The following LRP1B variants were observed in gnomAD, a reference collection of about 807,000 sequenced individuals.
LRP1B encodes LDL receptor related protein 1B.
In LRP1B, 217 loss-of-function variants were observed where a neutral mutation model predicts 556.6. The ratio of observed to expected loss-of-function variants is 0.39; its 90% CI spans 0.35 to 0.44. The LOEUF (loss-of-function observed/expected upper bound fraction) is 0.44. Ranked by LOEUF, LRP1B falls within the 20% of genes least tolerant of loss-of-function variation. The pLI is 1.00. For synonymous variants in LRP1B, 2,047 were observed against 1,865.8 expected, an observed-to-expected ratio of 1.10 and a Z score of -2.50; for missense variants, 5,053 against 5,620.8, an observed-to-expected ratio of 0.90 and a Z score of 3.23.
intron 2 of LRP1B, among the ~76,000 whole-genome samples, chr2:141,713,460 G>A (rs9677566): frequency 0.15 from 23,123 of 152,084 alleles, 1,820 homozygotes; most frequent in South Asian, 0.17. Flanking sequence ...TTGAGGAAAC[G>A]GTGAGGCTAA....
rs570005455 is a variant in LRP1B at position 140,833,882 on chromosome 2, G to A, written c.5209+6109C>T. Reference sequence around the variant, plus strand: ...AACAAAGGCTTAATTTTATAAATGAGAATCAAAACCATAAGCACAGTTTAT... The same window carrying A: ...AACAAAGGCTTAATTTTATAAATGAAAATCAAAACCATAAGCACAGTTTAT... On this transcript the variant is annotated intron_variant, in intron 31 of 90. Transcript: ENST00000389484. 6.1e-4 allele frequency among the ~76,000 whole-genome samples: 93 copies of A among 152,186 alleles called. No homozygotes were observed. In the South Asian group the frequency reaches 9.3e-3, roughly 15 times the overall value.
chr2:140,826,753 T>A (rs1411053744), intron 31 of LRP1B, among the ~76,000 whole-genome samples: 1 of 152,048 alleles, frequency 6.6e-6, no homozygotes, highest in Non-Finnish European at 1.5e-5. Context: ...ACTATTACTG[T>A]CTGGACCCAC....
At chr2:140,662,338 T>C (rs1685126402) in intron 41 of LRP1B, among the ~76,000 whole-genome samples, 1 of 152,110 alleles carries the variant, frequency 6.6e-6, no homozygotes, top group South Asian at 2.1e-4. Flanking sequence ...CTATACATGC[T>C]ATAATTACAA....
intron 3 of LRP1B, among the ~76,000 whole-genome samples, chr2:141,300,924 T>C (rs575166688): frequency 1.2e-4 from 18 of 152,242 alleles, no homozygotes; most frequent in Middle Eastern, 3.4e-3. Context: ...TTATATGATG[T>C]CTGGAAAAAG....
chr2:140,979,979 A>G lies in LRP1B; in HGVS notation c.2887+2181T>C, dbSNP rs1696720009. Among the ~76,000 whole-genome samples the G allele has an allele frequency of 1.3e-5, 2 of 152,108 alleles. 1 individual carries two copies. The highest frequency in any genetic ancestry group is 4.1e-4 in the South Asian group (2 of 4,826). On this transcript the variant is annotated intron_variant, in intron 18 of 90. Coordinates refer to ENST00000389484, the MANE Select transcript of LRP1B (RefSeq NM_018557.3). ...CAACCCTTCTTCGCCTCACCTCATA[A>G]AAGATATACAAGTTTGCTGGTATAG...
chr2:141,193,516 T>C (rs2105206726), intron 6 of LRP1B, among the ~76,000 whole-genome samples: 1 of 152,102 alleles, frequency 6.6e-6, no homozygotes, highest in South Asian at 2.1e-4. Context: ...TGTTCTCATG[T>C]ATTAGTAGGA....
chr2:141,965,627 G>A (rs1701536902), intron 1 of LRP1B, among the ~76,000 whole-genome samples: 2 of 124,354 alleles, frequency 1.6e-5, no homozygotes, highest in Admixed American at 8.2e-5. Flanking sequence ...GGATAGCATT[G>A]GGAGATATAC....
intron 25 of LRP1B, among the ~76,000 whole-genome samples, chr2:140,879,109 G>C (rs1313823979): frequency 1.3e-5 from 2 of 152,082 alleles, no homozygotes; most frequent in Non-Finnish European, 2.9e-5. Flanking sequence ...TGTAGATAAG[G>C]CTGTACTTCC....
At chr2:140,819,330 T>G (rs1009024978) in intron 31 of LRP1B, among the ~76,000 whole-genome samples, 1 of 152,226 alleles carries the variant, frequency 6.6e-6, no homozygotes, top group Admixed American at 6.5e-5. Context: ...ACTTCATTCA[T>G]AATCACAATA....
chr2:141,003,709 C>A (rs1003521658), intron 15 of LRP1B, among the ~76,000 whole-genome samples: 7 of 151,910 alleles, frequency 4.6e-5, no homozygotes, highest in Admixed American at 3.9e-4. Context: ...TTGTAAATTG[C>A]CAGTCTTGGG....
rs534709067 is a variant in LRP1B at position 140,629,217 on chromosome 2, C to A, written c.6800-27578G>T. ...AACAGTTGTGCACCACCATATCCAG[C>A]TAATTCTTTTTTTTTTTTTTTTGTA... On this transcript the variant is annotated intron_variant, in intron 41 of 90. Coordinates refer to ENST00000389484, the MANE Select transcript of LRP1B (RefSeq NM_018557.3). 1.1e-3 allele frequency among the ~76,000 whole-genome samples: 160 copies of A among 150,770 alleles called. 3 individuals are homozygous for A. The highest frequency in any genetic ancestry group is 0.011 in the Admixed American group (160 of 15,108).
intron 1 of LRP1B, among the ~76,000 whole-genome samples, chr2:141,837,889 C>A (rs352986): frequency 0.21 from 31,624 of 151,982 alleles, 3,445 homozygotes; most frequent in East Asian, 0.33. Flanking sequence ...ATCAAACTCC[C>A]AGAGAAATAT....
chr2:141,977,605 A>G (rs1383081410), intron 1 of LRP1B, among the ~76,000 whole-genome samples: 1 of 152,168 alleles, frequency 6.6e-6, no homozygotes, highest in Non-Finnish European at 1.5e-5. Context: ...TTTTAAAAAC[A>G]GAGTGTTGCT....
intron 79 of LRP1B, among the ~76,000 whole-genome samples, chr2:140,328,430 A>C (rs1399731098): frequency 2.0e-5 from 3 of 151,812 alleles, no homozygotes; most frequent in Non-Finnish European, 2.9e-5. Flanking sequence ...ATTTTCTAAG[A>C]TCTACTAGTT....
At chr2:141,046,751 A>C (rs1429406919) in intron 11 of LRP1B, among the ~76,000 whole-genome samples, 6 of 152,066 alleles carry the variant, frequency 3.9e-5, no homozygotes, top group African/African-American at 7.2e-5. Flanking sequence ...TTTAAAAGGA[A>C]ACCAAGAACT....
intron 11 of LRP1B, among the ~76,000 whole-genome samples, chr2:141,032,822 C>CATATATATATATATATATATAT (rs1333410760): frequency 8.9e-4 from 67 of 75,600 alleles, no homozygotes; most frequent in South Asian, 2.1e-3. Context: ...TATATATATA[C>CATATATATATATATATATATAT]ATACATATAT....
chr2:140,642,871 C>CA (rs1265068923), intron 41 of LRP1B, among the ~76,000 whole-genome samples: 2 of 151,104 alleles, frequency 1.3e-5, no homozygotes, highest in African/African-American at 2.4e-5. Flanking sequence ...AACAAACAAA[C>CA]AAAAAAATGG....
chr2:141,007,471 G>A (rs1323730450), intron 14 of LRP1B, among the ~76,000 whole-genome samples: 1 of 151,000 alleles, frequency 6.6e-6, no homozygotes, highest in Admixed American at 6.6e-5. Flanking sequence ...TGAATTCAGA[G>A]GGTAATTAAG....
chr2:141,523,581 G>T (rs1410351241), intron 2 of LRP1B, among the ~76,000 whole-genome samples: 2 of 152,032 alleles, frequency 1.3e-5, no homozygotes, highest in Non-Finnish European at 2.9e-5. Flanking sequence ...TAGACAAACT[G>T]CACCAAGATA....
Sources: gnomAD v4.1 joint callset for allele counts (sites outside exome capture counted in the v4.1 genomes callset) on GRCh38, gnomAD v4.1.1 for gene constraint, MANE v1.5 for transcripts, NCBI Gene and HGNC (gene_info 2026-07-23, HGNC 2026-07-21) for gene names.